CCNYL1: variants seen among roughly 807,000 people sequenced by gnomAD.
CCNYL1 encodes cyclin-Y-like protein 1.
CCNYL1 carries 16 observed loss-of-function variants against 44.2 expected under a neutral mutation model. The observed-to-expected ratio is 0.36, with a 90% CI of 0.25 to 0.55. CCNYL1 has a LOEUF of 0.55. Among genes scored for constraint, CCNYL1 ranks in the 20% least tolerant of loss-of-function variants. The pLI is 0.85. For synonymous variants in CCNYL1, 159 were observed against 163.2 expected (o/e 0.97, Z 0.20); for missense variants, 348 against 451.8 (o/e 0.77, Z 2.08).
chr2:207,755,101 G>A lies in CCNYL1; in HGVS notation c.*1403G>A, dbSNP rs1345945684. ...AAATTAAATGCAAAAGAAATGGGCTGGGCATAGTGATTCATGCCTGTAATC... is the reference window on the plus strand; with the variant it reads ...AAATTAAATGCAAAAGAAATGGGCTAGGCATAGTGATTCATGCCTGTAATC... On this transcript the variant is annotated 3_prime_UTR_variant, in exon 10 of 10. Transcript: ENST00000295414. 6.6e-6 allele frequency: 1 copy of A among 152,070 alleles called. No individual in the cohort carries two copies. The highest frequency in any genetic ancestry group is 1.5e-5 in the Non-Finnish European group (1 of 68,054). 9.4% of individuals were successfully genotyped at this position (152,070 alleles called of 1,614,324 possible).
In CCNYL1 at chr2:207,755,135, C is replaced by G. The variant is rs558941492; in HGVS notation, c.*1437C>G. 1 of 151,932 alleles carries G rather than the reference C, an allele frequency of 6.6e-6. No homozygotes were observed. Among genetic ancestry groups the G allele is most frequent in the East Asian group, 1.9e-4 (1 of 5,142 alleles). The allele number at this position is 151,932 out of a possible 1,614,324, so 9.4% of individuals were successfully genotyped here. On this transcript the variant is annotated 3_prime_UTR_variant, in exon 10 of 10. Transcript: ENST00000295414. ...GATTCATGCCTGTAATCTCAGTACC[C>G]TGGGAGGCTGAGGTGGAAGGATTGC... is the stretch of plus-strand genomic sequence containing the variant.
chr2:207,752,782 C>T (rs1233904418), intron 9 of CCNYL1, among the ~76,000 whole-genome samples: 1 of 150,114 alleles, frequency 6.7e-6, no homozygotes, highest in African/African-American at 2.5e-5. Flanking sequence ...AGGCTCATTC[C>T]TCCCAGCACT....
In CCNYL1 at chr2:207,754,695, C is replaced by T. The variant is rs1395634297; in HGVS notation, c.*997C>T. The stretch of plus-strand genomic sequence containing the variant: ...GGAGTGCAGTGGCTTTTCACAGGTG[C>T]AATCATTGTGCACTCACTGCAGCCT... On this transcript the variant is annotated 3_prime_UTR_variant, in exon 10 of 10. Coordinates refer to ENST00000295414, the MANE Select transcript of CCNYL1 (RefSeq NM_001330218.2). 6.5e-6 allele frequency: 1 copy of T among 153,604 alleles called. No homozygotes were observed. The highest frequency in any genetic ancestry group is 2.4e-5 in the African/African-American group (1 of 41,472). The allele number at this position is 153,604 out of a possible 1,614,324, so 9.5% of individuals were successfully genotyped here. A position where few individuals can be genotyped will look rare whatever the true frequency, so the allele number is the denominator to read the frequency against.
intron 1 of CCNYL1, among the ~76,000 whole-genome samples, chr2:207,717,872 T>C (rs1179115534): frequency 1.3e-5 from 2 of 151,616 alleles, no homozygotes; most frequent in Non-Finnish European, 2.9e-5. Flanking sequence ...TAGGAAACCA[T>C]TGGAGGATTA....
chr2:207,717,015 A>C (rs936043987), intron 1 of CCNYL1, among the ~76,000 whole-genome samples: 1 of 151,676 alleles, frequency 6.6e-6, no homozygotes, highest in African/African-American at 2.4e-5. Flanking sequence ...AGGCTGAGGC[A>C]GGAGAATGGT....
intron 1 of CCNYL1, among the ~76,000 whole-genome samples, chr2:207,715,709 T>G (rs1402553991): frequency 7.9e-6 from 1 of 127,356 alleles, no homozygotes; most frequent in Admixed American, 9.3e-5. Context: ...GGAGTTTCGC[T>G]CTTGTTGCTC....
chr2:207,744,128 C>A (rs1575221965), intron 7 of CCNYL1, among the ~76,000 whole-genome samples: 1 of 152,104 alleles, frequency 6.6e-6, no homozygotes, highest in Non-Finnish European at 1.5e-5. Flanking sequence ...AAGAACCTCT[C>A]TAGAGGTGAC....
intron 3 of CCNYL1, among the ~76,000 whole-genome samples, chr2:207,733,059 G>T (rs746410101): frequency 6.6e-6 from 1 of 150,936 alleles, no homozygotes. Flanking sequence ...TGAATTAGAT[G>T]GATGAATGTA....
Position 207,740,841 on chromosome 2 carries a change from CAATT to C in CCNYL1, c.519+138_519+141del, listed in dbSNP as rs1165442537. On this transcript the variant is annotated intron_variant, in intron 6 of 9. Transcript: ENST00000295414. ...ATTAGAAAACAATTTAAATTTAAATCAATTAAAATGGTGTAAACATTTAAAAATT... is the reference window on the plus strand; with the variant it reads ...ATTAGAAAACAATTTAAATTTAAATCAAAATGGTGTAAACATTTAAAAATT... The C allele has an allele frequency of 1.6e-5, 10 of 631,704 alleles. No homozygotes were observed. In the African/African-American group the frequency reaches 1.7e-4, roughly 11 times the overall value. 39.1% of individuals were successfully genotyped at this position (631,704 alleles called of 1,614,324 possible).
intron 3 of CCNYL1, among the ~76,000 whole-genome samples, chr2:207,729,251 C>CA (rs1491495022): frequency 5.4e-5 from 3 of 55,382 alleles, no homozygotes; most frequent in African/African-American, 3.7e-4. Context: ...CTTGTCTCCG[C>CA]CCCCCCCCGC....
At chr2:207,736,534 C>T (rs912885082) in intron 4 of CCNYL1, among the ~76,000 whole-genome samples, 1 of 152,186 alleles carries the variant, frequency 6.6e-6, no homozygotes, top group African/African-American at 2.4e-5. Context: ...ATTGTTAGCA[C>T]TGCTTATTTC....
chr2:207,712,407 A>G (rs548926241), intron 1 of CCNYL1, among the ~76,000 whole-genome samples: 4 of 152,128 alleles, frequency 2.6e-5, no homozygotes, highest in African/African-American at 7.2e-5. Flanking sequence ...AGCTCTGTTC[A>G]TTGTCTGGTG....
chr2:207,730,650 C>T lies in CCNYL1; in HGVS notation c.331-3297C>T, dbSNP rs146039645. On this transcript the variant is annotated intron_variant, in intron 3 of 9. Transcript: ENST00000295414. ...GTGCACACCTGTAATCCCAGCTGCT[C>T]GGGAGGCTGAGGCAGGAGAATTGCT... Among the ~76,000 whole-genome samples, 603 of 151,950 alleles carry T rather than the reference C, an allele frequency of 4.0e-3. 2 individuals are homozygous for T. The highest frequency in any genetic ancestry group is 6.7e-3 in the Non-Finnish European group (455 of 67,940).
chr2:207,722,729 G>A (rs909073532), intron 1 of CCNYL1, among the ~76,000 whole-genome samples: 3 of 152,070 alleles, frequency 2.0e-5, no homozygotes, highest in Non-Finnish European at 4.4e-5. Context: ...GGGAGGCCGA[G>A]GGGGGCAGAT....
At chr2:207,752,089 T>C (rs185165281) in intron 9 of CCNYL1, among the ~76,000 whole-genome samples, 7 of 151,418 alleles carry the variant, frequency 4.6e-5, no homozygotes, top group African/African-American at 1.5e-4. Context: ...TCTACATACA[T>C]AATTCACTTG....
chr2:207,745,069 T>A (rs1289390127), intron 7 of CCNYL1, among the ~76,000 whole-genome samples: 1 of 151,122 alleles, frequency 6.6e-6, no homozygotes, highest in Non-Finnish European at 1.5e-5. Flanking sequence ...GCAAGAGGAG[T>A]CTCAGGAGAG....
At chr2:207,726,913 T>C (rs1221138575) in intron 3 of CCNYL1, 37 bp downstream of exon 3, 3 of 1,451,108 alleles carry the variant, frequency 2.1e-6, no homozygotes, top group African/African-American at 2.9e-5. Flanking sequence ...AATTAACAGT[T>C]GAATTAAAAG....
At chr2:207,728,122 C>T (rs1406081021) in intron 3 of CCNYL1, among the ~76,000 whole-genome samples, 1 of 152,124 alleles carries the variant, frequency 6.6e-6, no homozygotes, top group Non-Finnish European at 1.5e-5. Context: ...TGCCACCACG[C>T]CCAGCTAATT....
chr2:207,722,462 G>A (rs1179674519), intron 1 of CCNYL1, among the ~76,000 whole-genome samples: 1 of 151,794 alleles, frequency 6.6e-6, no homozygotes, highest in East Asian at 1.9e-4. Context: ...TGGGGCGGGG[G>A]AGGTGTGTGT....
Sources: allele counts gnomAD v4.1 joint callset (sites outside exome capture counted in the v4.1 genomes callset), GRCh38; gene constraint gnomAD v4.1.1; transcripts MANE v1.5; gene names NCBI Gene and HGNC (gene_info 2026-07-23, HGNC 2026-07-21).